The following PEPD variants were observed in gnomAD, a reference collection of about 807,000 sequenced individuals.
The protein encoded by PEPD is peptidase D, also known as xaa-Pro dipeptidase.
PEPD carries 53 observed loss-of-function variants against 60.7 expected under a neutral mutation model. The ratio of observed to expected loss-of-function variants is 0.87; its 90% CI spans 0.70 to 1.10. The LOEUF (loss-of-function observed/expected upper bound fraction) is 1.10. Ranked by LOEUF, PEPD falls within the 50% of genes least tolerant of loss-of-function variation. PEPD has a pLI of 0.00. For missense variants in PEPD, 711 were observed against 711.9 expected (o/e 1.00, Z 0.01); for synonymous variants, 267 against 284.1 (o/e 0.94, Z 0.60).
chr19:33,459,169 G>T (rs1465710685), intron 9 of PEPD, among the ~76,000 whole-genome samples: 1 of 152,048 alleles, frequency 6.6e-6, no homozygotes, highest in Non-Finnish European at 1.5e-5. Context: ...GTCTTGGCCT[G>T]GAAGGGGACG....
chr19:33,519,621 C>A (rs866166223), intron 1 of PEPD, among the ~76,000 whole-genome samples: 1 of 152,212 alleles, frequency 6.6e-6, no homozygotes, highest in African/African-American at 2.4e-5. Context: ...AAGCCCCATA[C>A]CAGACTGGGA....
chr19:33,431,136 G>GAGGAAGGGAGAGAGGAACAT (rs1969263092), intron 9 of PEPD, among the ~76,000 whole-genome samples: 1 of 135,742 alleles, frequency 7.4e-6, no homozygotes, highest in Non-Finnish European at 1.6e-5. Flanking sequence ...GAGAGGAACA[G>GAGGAAGGGAGAGAGGAACAT]AGAAAGGGAG....
At position 33,401,885 on chromosome 19, in the gene PEPD, G is replaced by C. The variant is rs372435254; in HGVS notation, c.819-16C>G. ...GTCGAACAGGCTGCGGAGAGAGGAA[G>C]GCAGGGCAAGTGGGTACTGGGGTGC... On this transcript the variant is annotated splice_polypyrimidine_tract_variant and intron_variant, in intron 11 of 14. Coordinates refer to ENST00000244137, the MANE Select transcript of PEPD (RefSeq NM_000285.4). The C allele has an allele frequency of 7.4e-6, 12 of 1,612,232 alleles. No individual in the cohort carries two copies. The African/African-American group carries it at 1.6e-4, about 22-fold the overall frequency.
At chr19:33,472,526 C>T (rs758149898) in intron 7 of PEPD, among the ~76,000 whole-genome samples, 6 of 152,198 alleles carry the variant, frequency 3.9e-5, no homozygotes, top group Non-Finnish European at 8.8e-5. Context: ...GCCTACTCTC[C>T]TGCTACAGAC....
At chr19:33,436,166 G>A (rs753652125) in intron 9 of PEPD, among the ~76,000 whole-genome samples, 1 of 151,746 alleles carries the variant, frequency 6.6e-6, no homozygotes, top group Non-Finnish European at 1.5e-5. Context: ...GGAAGAGGAA[G>A]GAGAGGGAGA....
At chr19:33,517,922 G>A (rs1216500014) in intron 1 of PEPD, among the ~76,000 whole-genome samples, 5 of 150,648 alleles carry the variant, frequency 3.3e-5, no homozygotes, top group African/African-American at 1.2e-4. Context: ...AGCCGAGATC[G>A]CGCCATTGCA....
chr19:33,405,305 GTT>G (rs1968596432), intron 11 of PEPD, among the ~76,000 whole-genome samples: 2 of 152,256 alleles, frequency 1.3e-5, no homozygotes, highest in South Asian at 4.1e-4. Context: ...CTTGGGAACA[GTT>G]TTCTGGGGGA....
Position 33,429,717 on chromosome 19 carries a change from G to C in PEPD, c.672-16074C>G, listed in dbSNP as rs373213824. Among the ~76,000 whole-genome samples, 12 of 152,280 alleles carry C rather than the reference G, an allele frequency of 7.9e-5. No individual in the cohort carries two copies. The East Asian group carries it at 1.7e-3, about 22-fold the overall frequency. ...ATGACAACTGATATTTACAATTTCTGTACATCAAATTGGGAAAAATATTTC... is the reference window on the plus strand; with the variant it reads ...ATGACAACTGATATTTACAATTTCTCTACATCAAATTGGGAAAAATATTTC... On this transcript the variant is annotated intron_variant, in intron 9 of 14. Transcript: ENST00000244137.
At chr19:33,516,240 T>G (rs1971020766) in intron 1 of PEPD, among the ~76,000 whole-genome samples, 1 of 152,168 alleles carries the variant, frequency 6.6e-6, no homozygotes, top group Non-Finnish European at 1.5e-5. Context: ...AGACGAATTC[T>G]TCCTGCAAAT....
chr19:33,511,019 G>T lies in PEPD; in HGVS notation c.329+9C>A. 2 of 1,611,500 alleles carry T rather than the reference G, an allele frequency of 1.2e-6. No individual in the cohort carries two copies. Among genetic ancestry groups the T allele is most frequent in the South Asian group, 2.2e-5 (2 of 90,614 alleles). On this transcript the variant is annotated intron_variant, in intron 3 of 14. Transcript: ENST00000244137. ...GTAGCCATGGTGCCCTGGCCAGGCT[G>T]CTCCTTACTTTCCCATCCAGGTGGC...
chr19:33,424,160 C>T (rs992943566), intron 9 of PEPD, among the ~76,000 whole-genome samples: 2 of 152,222 alleles, frequency 1.3e-5, no homozygotes, highest in African/African-American at 2.4e-5. Flanking sequence ...CCACCCCCTC[C>T]CCAAGCAGCT....
At chr19:33,444,358 A>T (rs73588284) in intron 9 of PEPD, among the ~76,000 whole-genome samples, 14,902 of 152,072 alleles carry the variant, frequency 0.098, 800 homozygotes, top group Non-Finnish European at 0.12. Flanking sequence ...GCAGAGCCTC[A>T]GAGGTTTAAG....
At chr19:33,497,175 G>A (rs1970623703) in intron 4 of PEPD, among the ~76,000 whole-genome samples, 1 of 152,262 alleles carries the variant, frequency 6.6e-6, no homozygotes, top group Non-Finnish European at 1.5e-5. Context: ...CTGGAGCCAT[G>A]GGCTCGTGGT....
intron 9 of PEPD, among the ~76,000 whole-genome samples, chr19:33,449,744 G>A (rs1424730347): frequency 9.1e-6 from 1 of 110,004 alleles, no homozygotes. Context: ...GTGCTCACAG[G>A]GACCACCCCA....
In PEPD at chr19:33,402,209, T is replaced by C. The variant is rs558664099; in HGVS notation, c.819-340A>G. Among the ~76,000 whole-genome samples, 167 of 152,232 alleles carry C rather than the reference T, an allele frequency of 1.1e-3. 2 individuals carry two copies. In the South Asian group the frequency reaches 0.012, roughly 11 times the overall value. ...TCCAAGAGCTCAGAGCCATGGAGAA[T>C]TGTTTGGAGAACTAAGGAGAGGCAG... On this transcript the variant is annotated intron_variant, in intron 11 of 14. Coordinates refer to ENST00000244137, the MANE Select transcript of PEPD (RefSeq NM_000285.4).
chr19:33,409,240 C>T (rs1968709413), intron 11 of PEPD, among the ~76,000 whole-genome samples: 1 of 152,272 alleles, frequency 6.6e-6, no homozygotes, highest in Non-Finnish European at 1.5e-5. Flanking sequence ...GGCTCTGGCA[C>T]AGGGCTCTCC....
rs3786899 is a variant in PEPD at position 33,403,415 on chromosome 19, T to C, written c.819-1546A>G. ...CCCTGGGCTTCCCATGGGGTCCATC[T>C]GTAGCTGGGTGAGTCCTGACAAGTC... On this transcript the variant is annotated intron_variant, in intron 11 of 14. Coordinates refer to ENST00000244137, the MANE Select transcript of PEPD (RefSeq NM_000285.4). Among the ~76,000 whole-genome samples the C allele has an allele frequency of 4.9e-3, 747 of 152,332 alleles. 32 individuals carry two copies. The East Asian group carries it at 0.11, about 22-fold the overall frequency.
In PEPD at chr19:33,512,643, C is replaced by G. The variant is rs762303328; in HGVS notation, c.151G>C (p.Gly51Arg). The change falls in exon 2 of 15, where the codon GGG becomes CGG. Residue 51 changes from glycine to arginine, a missense_variant. By Grantham distance (125) the Gly-to-Arg change is moderately radical (BLOSUM62 -2). Coordinates refer to ENST00000244137, the MANE Select transcript of PEPD (RefSeq NM_000285.4). ...QAGSIVVLQGGEETQRYCTDT... is the reference protein window; with the variant it reads ...QAGSIVVLQGREETQRYCTDT... ...GTGCAGTAGCGCTGAGTCTCCTCCC[C>G]GCCCTGCAGGACCACGATGGAGCCG... is the stretch of plus-strand genomic sequence containing the variant. 6.2e-7 allele frequency: 1 copy of G among 1,613,942 alleles called. No homozygotes were observed. Among genetic ancestry groups the G allele is most frequent in the East Asian group, 2.2e-5 (1 of 44,884 alleles).
intron 6 of PEPD, among the ~76,000 whole-genome samples, chr19:33,489,357 G>A (rs1026610807): frequency 7.2e-5 from 11 of 152,116 alleles, no homozygotes; most frequent in Admixed American, 2.6e-4. Flanking sequence ...GGACAGGCAC[G>A]GTGTCTCACA....
Sources: gnomAD v4.1 joint callset for allele counts (sites outside exome capture counted in the v4.1 genomes callset) on GRCh38, gnomAD v4.1.1 for gene constraint, MANE v1.5 for transcripts, NCBI Gene and HGNC (gene_info 2026-07-23, HGNC 2026-07-21) for gene names.